Variants in COL12A1 observed in about 807,000 individuals in gnomAD.
COL12A1 encodes the protein collagen type XII alpha 1 chain.
Under a neutral mutation model 349.7 loss-of-function variants are expected in COL12A1, and 114 were observed. The ratio of observed to expected loss-of-function variants is 0.33; its 90% CI spans 0.28 to 0.38. The LOEUF is 0.38. COL12A1 is among the 10% of genes least tolerant of loss of function. The probability of loss-of-function intolerance (pLI) is 1.00; values close to 1 mark genes in which losing one functional copy is unlikely to be tolerated. For missense variants in COL12A1, 3,284 were observed against 3,756.9 expected, an observed-to-expected ratio of 0.87 and a Z score of 3.29; for synonymous variants, 1,369 against 1,329.0, an observed-to-expected ratio of 1.03 and a Z score of -0.66.
In COL12A1 at chr6:75,086,554, G is replaced by A. The variant is rs776138916; in HGVS notation, c.9185C>T (p.Ser3062Phe). 3 of 1,604,900 alleles carry A rather than the reference G, an allele frequency of 1.9e-6. No homozygotes were observed. The South Asian group carries it at 3.3e-5, about 18-fold the overall frequency. The change falls in exon 66 of 66, where the codon TCC (serine) becomes TTC (phenylalanine). Residue 3062 changes from serine to phenylalanine, a missense_variant. Coordinates refer to ENST00000322507, the MANE Select transcript of COL12A1 (RefSeq NM_004370.6). ...GGCGACTTAGAAAATGTGTTAGCCG[G>A]AACCTGAAACAGGTCAAAGATGATA... ...IPYNGQGYPG[S>F]G
chr6:75,138,935 T>C lies in COL12A1; in HGVS notation c.4984A>G (p.Lys1662Glu), dbSNP rs1358346794. Residue 1662 changes from lysine to glutamate, a missense_variant, in exon 28 of 66, where the codon AAG becomes GAG. Physicochemically the swap from Lys to Glu is moderately conservative, Grantham distance 56 (BLOSUM62 1). Around this residue, in one of 2 missense-constraint regions of COL12A1, gnomAD observed 2,601 missense variants for 2,824.8 expected, o/e 0.92. Transcript: ENST00000322507. ...TRPVPAPTNL[K>E]ITEVTSEGFR... ...CCCTCTGATGTTACTTCAGTAATCT[T>C]TAAGTTTGTTGGGGCTGGCACGGGT... The C allele has an allele frequency of 6.2e-7, 1 of 1,613,940 alleles. No homozygotes were observed. The highest frequency in any genetic ancestry group is 8.5e-7 in the Non-Finnish European group (1 of 1,179,942).
rs1295577485 is a variant in COL12A1, at chr6:75,151,201, A to C, written c.4087T>G (p.Ser1363Ala). Residue 1363 changes from serine to alanine, a missense_variant, in exon 21 of 66, where the codon TCA becomes GCA. This residue lies in a region of COL12A1 where 2,601 missense variants were observed against 2,824.8 expected (regional missense o/e 0.92). Transcript: ENST00000322507. ...THAYNVADFE[S>A]LSRIVDDLTI... The stretch of plus-strand genomic sequence containing the variant: ...AGATCATCCACTATCCTGGAGAGTG[A>C]CTCAAAATCTGCCACATTGTATGCA... The C allele has an allele frequency of 6.2e-7, 1 of 1,613,550 alleles. No individual in the cohort carries two copies. The highest frequency in any genetic ancestry group is 8.5e-7 in the Non-Finnish European group (1 of 1,179,586).
intron 13 of COL12A1, among the ~76,000 whole-genome samples, chr6:75,167,959 T>C (rs534743055): frequency 1.3e-5 from 2 of 152,310 alleles, no homozygotes; most frequent in Non-Finnish European, 2.9e-5. Context: ...ACAACACTAT[T>C]TTGAGTGAAC....
chr6:75,116,153 A>T, intron 47 of COL12A1, 96 bp from the exon 48 acceptor site: 1 of 1,156,880 alleles, frequency 8.6e-7, no homozygotes, highest in Non-Finnish European at 1.3e-6. Flanking sequence ...CAAGTAATAA[A>T]TGACATTGTT....
Position 75,119,360 on chromosome 6 carries a change from G to A in COL12A1, c.7200C>T (p.Asn2400=). 3 of 1,613,100 alleles carry A rather than the reference G, an allele frequency of 1.9e-6. No individual in the cohort carries two copies. Among genetic ancestry groups the A allele is most frequent in the Non-Finnish European group, 2.5e-6 (3 of 1,179,632 alleles). The part of the protein sequence containing the change: ...ALQNIRYRGG[N]TRTGKALTFI... ...TACATATACACATACCTGTTCTTGTGTTTCCTCCTCTGTACCTAATATTCT... is the reference window on the plus strand; with the variant it reads ...TACATATACACATACCTGTTCTTGTATTTCCTCCTCTGTACCTAATATTCT... Residue 2400 remains asparagine, a synonymous_variant, in exon 45 of 66, where the codon AAC becomes AAT. Coordinates refer to ENST00000322507, the MANE Select transcript of COL12A1 (RefSeq NM_004370.6).
At chr6:75,096,895 CAAAAAAAAAA>C (rs35243223) in intron 59 of COL12A1, among the ~76,000 whole-genome samples, 6 of 73,260 alleles carry the variant, frequency 8.2e-5, no homozygotes, top group South Asian at 5.4e-4. Flanking sequence ...GACTCCGTCT[CAAAAAAAAAA>C]AAAAAAAAAA....
chr6:75,109,237 G>T, intron 51 of COL12A1, 70 bp from the exon 52 acceptor site: 1 of 1,120,558 alleles, frequency 8.9e-7, no homozygotes, highest in South Asian at 1.7e-5. Flanking sequence ...GCATAGTTTA[G>T]ATCAGATTTT....
Position 75,165,591 on chromosome 6 carries a change from G to C in COL12A1, c.2899C>G (p.Pro967Ala). ...AIHTMIENLQ[P>A]ETKYRISVFA... ...ACTGAAATTCTGTATTTGGTCTCTG[G>C]CTGCAGATTTTCTATCATCGTATGA... The change falls in exon 14 of 66, where the codon CCA (proline) becomes GCA (alanine). Residue 967 changes from proline to alanine, a missense_variant. Physicochemically the swap from Pro to Ala is conservative, Grantham distance 27 (BLOSUM62 -1). Around this residue, in one of 2 missense-constraint regions of COL12A1, gnomAD observed 2,601 missense variants for 2,824.8 expected, o/e 0.92. Transcript: ENST00000322507. The C allele has an allele frequency of 6.2e-7, 1 of 1,613,936 alleles. No homozygotes were observed.
chr6:75,165,811 A>T (rs781124324), intron 13 of COL12A1, 32 bp from the exon 14 acceptor site: 11 of 1,594,744 alleles, frequency 6.9e-6, no homozygotes, highest in East Asian at 2.2e-5. Flanking sequence ...AATCTTTTTT[A>T]AAAATGTCTA....
At chr6:75,144,659 A>G (rs1413767719) in intron 25 of COL12A1, among the ~76,000 whole-genome samples, 10 of 152,238 alleles carry the variant, frequency 6.6e-5, no homozygotes, top group Non-Finnish European at 1.5e-4. Flanking sequence ...TTAGTAAAAC[A>G]AGTCAGAAGT....
Position 75,133,996 on chromosome 6 carries a change from T to C in COL12A1, c.5526A>G (p.Lys1842=). The change falls in exon 33 of 66, where the codon AAA becomes AAG. Residue 1842 remains lysine, a splice_region_variant and synonymous_variant. Transcript: ENST00000322507. ...TCAGGTTCCTTACAGTGTTTAGAGG[T>C]TCTGAAATGCACAGAAATCCCATCA... is the stretch of plus-strand genomic sequence containing the variant. ...GGRMTGRGKT[K]PLNTVRNLRV... The C allele has an allele frequency of 3.1e-6, 5 of 1,612,486 alleles. No individual in the cohort carries two copies. Among genetic ancestry groups the C allele is most frequent in the Non-Finnish European group, 4.2e-6 (5 of 1,179,272 alleles).
In COL12A1 at chr6:75,188,356, A is replaced by G. The variant is rs377225744; in HGVS notation, c.997+6T>C. The G allele has an allele frequency of 1.2e-6, 2 of 1,611,932 alleles. No individual in the cohort carries two copies. The highest frequency in any genetic ancestry group is 1.7e-6 in the Non-Finnish European group (2 of 1,179,124). ...ACACATGGGGAATGCTACACAGTCTACTCACCTTCTTCTCCACTAACCAAT... is the reference window on the plus strand; with the variant it reads ...ACACATGGGGAATGCTACACAGTCTGCTCACCTTCTTCTCCACTAACCAAT... On this transcript the variant is annotated splice_donor_region_variant and intron_variant, in intron 8 of 65. Transcript: ENST00000322507.
At position 75,151,930 on chromosome 6, in the gene COL12A1, G is replaced by A; in HGVS notation, c.3937C>T (p.Gln1313Ter). 1 of 1,613,864 alleles carries A rather than the reference G, an allele frequency of 6.2e-7. No individual in the cohort carries two copies. Among genetic ancestry groups the A allele is most frequent in the Non-Finnish European group, 8.5e-7 (1 of 1,179,836 alleles). The stretch of plus-strand genomic sequence containing the variant: ...TTTGAAGGTGCTTCAACATCGTCTT[G>A]TGATTTTCCATCAGTAATGAGCACA... ...IGVLITDGKSQDDVEAPSKKL... is the reference protein window; with the variant it reads ...IGVLITDGKS The change falls in exon 20 of 66, where the codon CAA (glutamine) becomes TAA (stop). Residue 1313 changes from glutamine to a stop codon, truncating the protein, a stop_gained. Transcript: ENST00000322507. LOFTEE classifies it high-confidence loss of function.
intron 13 of COL12A1, among the ~76,000 whole-genome samples, chr6:75,168,191 A>G (rs1461203384): frequency 6.6e-6 from 1 of 152,218 alleles, no homozygotes; most frequent in African/African-American, 2.4e-5. Context: ...TGATAAGAAT[A>G]TTCCTAAATA....
At chr6:75,094,585 T>C (rs1421444157) in intron 60 of COL12A1, among the ~76,000 whole-genome samples, 1 of 152,136 alleles carries the variant, frequency 6.6e-6, no homozygotes, top group East Asian at 1.9e-4. Context: ...GGGGTATAAA[T>C]TGGGGCAGGA....
chr6:75,135,379 C>G (rs141111597), intron 31 of COL12A1, among the ~76,000 whole-genome samples: 66 of 152,266 alleles, frequency 4.3e-4, no homozygotes, highest in African/African-American at 1.4e-3. Flanking sequence ...GCTGTGTTAA[C>G]GACATGACCA....
intron 12 of COL12A1, among the ~76,000 whole-genome samples, chr6:75,176,020 A>G (rs1430267234): frequency 6.6e-6 from 1 of 152,200 alleles, no homozygotes; most frequent in African/African-American, 2.4e-5. Flanking sequence ...TAGAAAGATA[A>G]AGAGGTATTG....
chr6:75,159,957 T>C (rs964987182), intron 14 of COL12A1, among the ~76,000 whole-genome samples: 2 of 152,090 alleles, frequency 1.3e-5, no homozygotes, highest in Non-Finnish European at 2.9e-5. Context: ...ACCTCACTTA[T>C]ATTCCTGCCT....
At chr6:75,192,460 T>C in intron 3 of COL12A1, 105 bp from the exon 4 acceptor site, 1 of 1,048,402 alleles carries the variant, frequency 9.5e-7, no homozygotes, top group South Asian at 1.7e-5. Flanking sequence ...AAATTCAGTA[T>C]ATACATTTTT....
Sources: gnomAD v4.1 joint callset for allele counts (sites outside exome capture counted in the v4.1 genomes callset) on GRCh38, gnomAD v4.1.1 for gene constraint, gnomAD v4.1.1 regional missense constraint, MANE v1.5 for transcripts, NCBI Gene and HGNC (gene_info 2026-07-23, HGNC 2026-07-21) for gene names.